CASK: variants seen among roughly 807,000 people sequenced by gnomAD.
CASK encodes the protein calcium/calmodulin dependent serine protein kinase.
In CASK, 4 loss-of-function variants were observed where a neutral mutation model predicts 82.9. That is an observed-to-expected ratio of 0.05 (90% CI 0.02 to 0.11). CASK has a LOEUF of 0.11. Ranked by LOEUF, CASK falls within the 10% of genes least tolerant of loss-of-function variation. CASK has a pLI of 1.00. For synonymous variants in CASK, 259 were observed against 253.5 expected (o/e 1.02, Z -0.20); for missense variants, 358 against 720.9 (o/e 0.50, Z 5.76).
intron 8 of CASK, 27 bp from the exon 9 acceptor site, chrX:41,636,688 T>C (rs746343921): frequency 2.1e-6 from 2 of 966,536 alleles, no homozygotes; most frequent in East Asian, 3.1e-5. Flanking sequence ...ATAATGAACA[T>C]ATATAACCGT....
Position 41,903,679 on chromosome X carries a change from T to C in CASK, c.59+19251A>G, listed in dbSNP as rs181388638. 1.0e-3 allele frequency among the ~76,000 whole-genome samples: 115 copies of C among 111,377 alleles called. 1 individual carries two copies. The highest frequency in any genetic ancestry group is 6.4e-4 in the Non-Finnish European group (34 of 53,036). On this transcript the variant is annotated intron_variant, in intron 1 of 26. Coordinates refer to ENST00000378163, the MANE Select transcript of CASK (RefSeq NM_001367721.1). ...TCTGTTCTCCACTCCCTGTGTTTTT[T>C]AGACTGGTTTTTCTTCCTTTATTTT...
intron 3 of CASK, among the ~76,000 whole-genome samples, chrX:41,776,820 G>A (rs1292840204): frequency 8.9e-6 from 1 of 112,386 alleles, no homozygotes; most frequent in Non-Finnish European, 1.9e-5. Flanking sequence ...CTATGTTCAC[G>A]AATTGGATGA....
chrX:41,887,039 T>C (rs1362557967), intron 1 of CASK, among the ~76,000 whole-genome samples: 1 of 110,662 alleles, frequency 9.0e-6, no homozygotes, highest in Admixed American at 9.7e-5. Flanking sequence ...CCCGTACAAA[T>C]TTATCTGTAA....
At chrX:41,572,226 A>G (rs1048038149) in intron 15 of CASK, among the ~76,000 whole-genome samples, 1 of 110,241 alleles carries the variant, frequency 9.1e-6, no homozygotes, top group Non-Finnish European at 1.9e-5. Flanking sequence ...CTGGAACTAC[A>G]GGCATGCACC....
intron 1 of CASK, among the ~76,000 whole-genome samples, chrX:41,872,397 T>G (rs1200703007): frequency 8.9e-6 from 1 of 111,899 alleles, no homozygotes. Context: ...GATACTGCAC[T>G]ACCAGGATTA....
At chrX:41,883,643 T>C (rs2071991936) in intron 1 of CASK, among the ~76,000 whole-genome samples, 1 of 111,457 alleles carries the variant, frequency 9.0e-6, no homozygotes, top group Non-Finnish European at 1.9e-5. Context: ...GACGAAACGA[T>C]ATTGTCATGG....
intron 5 of CASK, among the ~76,000 whole-genome samples, chrX:41,674,341 G>T (rs768193736): frequency 9.0e-6 from 1 of 111,391 alleles, no homozygotes; most frequent in Non-Finnish European, 1.9e-5. Flanking sequence ...GCTAAAAAAG[G>T]AAGGTAATCT....
chrX:41,828,674 A>G (rs1222753557), intron 2 of CASK, among the ~76,000 whole-genome samples: 1 of 112,043 alleles, frequency 8.9e-6, no homozygotes, highest in East Asian at 2.8e-4. Flanking sequence ...AATTTAAGCT[A>G]CCCAAGAGAA....
At chrX:41,641,853 G>A (rs747912524) in intron 8 of CASK, among the ~76,000 whole-genome samples, 114 of 108,873 alleles carry the variant, frequency 1.0e-3, no homozygotes, top group African/African-American at 3.7e-3. Flanking sequence ...CCATTAACTC[G>A]TCATTTACAT....
At chrX:41,679,035 C>T (rs962205477) in intron 5 of CASK, among the ~76,000 whole-genome samples, 1 of 110,673 alleles carries the variant, frequency 9.0e-6, no homozygotes, top group Non-Finnish European at 1.9e-5. Flanking sequence ...TTGCAGTGAA[C>T]TGCAGTTGTG....
Position 41,520,386 on chromosome X carries a change from G to A in CASK, c.*34C>T. ...AAAGAGGCTTTTCCACAAATGAGGT[G>A]CTCCCAGTTATGCTCAGATATCTGG... On this transcript the variant is annotated 3_prime_UTR_variant, in exon 27 of 27. Transcript: ENST00000378163. 2 of 1,133,842 alleles carry A rather than the reference G, an allele frequency of 1.8e-6. No homozygotes were observed. The highest frequency in any genetic ancestry group is 2.4e-6 in the Non-Finnish European group (2 of 829,333). 93.4% of individuals were successfully genotyped at this position (1,133,842 alleles called of 1,213,427 possible).
chrX:41,545,600 T>G (rs1010143132), intron 21 of CASK, among the ~76,000 whole-genome samples: 2 of 111,949 alleles, frequency 1.8e-5, no homozygotes, highest in African/African-American at 3.2e-5. Context: ...GAGCAAGACC[T>G]CCTTCCTTGT....
rs2064545035 is a variant in CASK, at chrX:41,516,053, C to T, written c.*4367G>A. Reference sequence around the variant, plus strand: ...AGAGGTGGTGGGAGCTCAGGATTTTCTATTCCCACAAAGAGCTAAGACTTA... The same window carrying T: ...AGAGGTGGTGGGAGCTCAGGATTTTTTATTCCCACAAAGAGCTAAGACTTA... On this transcript the variant is annotated 3_prime_UTR_variant, in exon 27 of 27. Transcript: ENST00000378163. The T allele has an allele frequency of 8.9e-6, 1 of 112,201 alleles. No homozygotes were observed. 9.2% of individuals were successfully genotyped at this position (112,201 alleles called of 1,213,427 possible).
intron 5 of CASK, chrX:41,696,270 G>A (rs61734983): frequency 2.5e-6 from 3 of 1,195,358 alleles, no homozygotes; most frequent in Non-Finnish European, 3.4e-6. Flanking sequence ...TAAGCATAAC[G>A]CAAAAGGAGA....
chrX:41,693,874 C>T (rs966023489), intron 5 of CASK, among the ~76,000 whole-genome samples: 5 of 111,636 alleles, frequency 4.5e-5, no homozygotes, highest in African/African-American at 1.3e-4. Context: ...CCCAACTTTA[C>T]AACATTTTAA....
intron 15 of CASK, among the ~76,000 whole-genome samples, chrX:41,575,281 T>C (rs1029977813): frequency 1.8e-5 from 2 of 111,773 alleles, no homozygotes; most frequent in African/African-American, 6.5e-5. Context: ...TTAACATTTA[T>C]TATTCTGTAG....
At chrX:41,660,903 AT>A (rs1458013203) in intron 7 of CASK, among the ~76,000 whole-genome samples, 1 of 112,451 alleles carries the variant, frequency 8.9e-6, no homozygotes, top group Non-Finnish European at 1.9e-5. Flanking sequence ...AAGAACTAAA[AT>A]AAAACTTAAA....
intron 22 of CASK, among the ~76,000 whole-genome samples, chrX:41,537,054 G>C (rs2064883460): frequency 8.9e-6 from 1 of 111,800 alleles, no homozygotes; most frequent in Non-Finnish European, 1.9e-5. Context: ...TTTCCGAATG[G>C]TATATACACA....
At chrX:41,634,972 GAAGA>G (rs1330063353) in intron 9 of CASK, among the ~76,000 whole-genome samples, 1 of 111,721 alleles carries the variant, frequency 9.0e-6, no homozygotes, top group East Asian at 2.8e-4. Flanking sequence ...AAATCAGTGA[GAAGA>G]AAGGCTAAAA....
Sources: gnomAD v4.1 joint callset for allele counts (sites outside exome capture counted in the v4.1 genomes callset) on GRCh38, gnomAD v4.1.1 for gene constraint, MANE v1.5 for transcripts, NCBI Gene and HGNC (gene_info 2026-07-23, HGNC 2026-07-21) for gene names.